The following LDB1 variants were observed in gnomAD, a reference collection of about 807,000 sequenced individuals.
LDB1 encodes the protein LIM domain binding 1.
LDB1 carries 6 observed loss-of-function variants against 49.7 expected under a neutral mutation model. The ratio of observed to expected loss-of-function variants is 0.12; its 90% CI spans 0.07 to 0.24. The LOEUF is 0.24. Ranked by LOEUF, LDB1 falls within the 10% of genes least tolerant of loss-of-function variation. The probability of loss-of-function intolerance (pLI) is 1.00; values close to 1 mark genes in which losing one functional copy is unlikely to be tolerated. For missense variants in LDB1, 341 were observed against 561.7 expected (o/e 0.61, Z 3.97); for synonymous variants, 233 against 202.0 (o/e 1.15, Z -1.30).
At chr10:102,121,329 G>T (rs2068418786), upstream of LDB1, among the ~76,000 whole-genome samples, 1 of 152,142 alleles carries the variant, frequency 6.6e-6, no homozygotes, top group East Asian at 1.9e-4. Context: ...CTGCCTGGAA[G>T]CTGCTGTCCT....
chr10:102,114,812 G>GGGGGGCCCCCCCCCCCCCCCC, intron 1 of LDB1: 108 of 929,764 alleles, frequency 1.2e-4, no homozygotes, highest in South Asian at 2.0e-4. Flanking sequence ...CCTCCGAGCA[G>GGGGGGCCCCCCCCCCCCCCCC]CCCGCCCGCC....
intron 6 of LDB1, 150 bp from the exon 7 acceptor site, chr10:102,110,193 C>G: frequency 1.2e-6 from 1 of 847,210 alleles, no homozygotes; most frequent in Non-Finnish European, 1.8e-6. Context: ...TGTCACAGTA[C>G]CCCCCACCCA....
intron 1 of LDB1, 85 bp from the exon 2 acceptor site, chr10:102,111,621 T>G: frequency 1.3e-6 from 1 of 744,662 alleles, no homozygotes; most frequent in Non-Finnish European, 2.2e-6. Context: ...GCAAGAAGAT[T>G]GATTGAGCAC....
chr10:102,104,616 G>GT (rs976633079), downstream of LDB1, among the ~76,000 whole-genome samples: 1 of 152,124 alleles, frequency 6.6e-6, no homozygotes, highest in African/African-American at 2.4e-5. Context: ...TGGCCACTGT[G>GT]TTTCCTGAGT....
chr10:102,110,892 A>G lies in LDB1; in HGVS notation c.329T>C (p.Leu110Pro). The stretch of plus-strand genomic sequence containing the variant: ...ACTATATCTCTTTGGTCCATCCTCC[A>G]GGCAGAAAGTGATGGTCAACATGGC... Reference protein sequence around the residue: ...DDAMLTITFCLEDGPKRYTIG... With the variant: ...DDAMLTITFCPEDGPKRYTIG... Residue 110 changes from leucine to proline, a missense_variant, in exon 5 of 11, where the codon CTG becomes CCG. Transcript: ENST00000673968. The G allele has an allele frequency of 6.2e-7, 1 of 1,614,098 alleles. No individual in the cohort carries two copies. The highest frequency in any genetic ancestry group is 8.5e-7 in the Non-Finnish European group (1 of 1,179,974).
chr10:102,114,640 CG>C, intron 1 of LDB1: 1 of 948,934 alleles, frequency 1.1e-6, no homozygotes, highest in Non-Finnish European at 1.3e-6. Context: ...GCCACTGGGC[CG>C]GGGGCCGGGG....
intron 6 of LDB1, 149 bp from the exon 7 acceptor site, chr10:102,110,192 AC>A (rs1469487229): frequency 5.9e-6 from 5 of 846,738 alleles, no homozygotes; most frequent in East Asian, 2.7e-5. Context: ...ATGTCACAGT[AC>A]CCCCCACCCA....
chr10:102,111,596 C>G, intron 1 of LDB1, 60 bp from the exon 2 acceptor site: 1 of 977,996 alleles, frequency 1.0e-6, no homozygotes, highest in Non-Finnish European at 1.5e-6. Context: ...TAATCTAGCA[C>G]TTTGGGAGTC....
chr10:102,114,342 G>A (rs937965991), intron 1 of LDB1: 7 of 986,208 alleles, frequency 7.1e-6, no homozygotes, highest in African/African-American at 7.0e-5. Flanking sequence ...CCGCAGATCA[G>A]GCCCGGGCCG....
chr10:102,113,982 C>A (rs571136872), intron 1 of LDB1, among the ~76,000 whole-genome samples: 1 of 152,204 alleles, frequency 6.6e-6, no homozygotes, highest in African/African-American at 2.4e-5. Context: ...AGGGGAGGGA[C>A]ATCACCCAGA....
At chr10:102,102,175 T>C (rs1462904285), downstream of LDB1, among the ~76,000 whole-genome samples, 2 of 152,236 alleles carry the variant, frequency 1.3e-5, no homozygotes, top group Non-Finnish European at 2.9e-5. Context: ...TTCACCTGCC[T>C]TGGCTTCCCA....
At position 102,111,307 on chromosome 10, in the gene LDB1, A is replaced by T; in HGVS notation, c.129-7T>A. 6.2e-7 allele frequency: 1 copy of T among 1,613,966 alleles called. No individual in the cohort carries two copies. Among genetic ancestry groups the T allele is most frequent in the East Asian group, 2.2e-5 (1 of 44,884 alleles). On this transcript the variant is annotated splice_region_variant and splice_polypyrimidine_tract_variant and intron_variant, in intron 2 of 10. Coordinates refer to ENST00000673968, the MANE Select transcript of LDB1 (RefSeq NM_001113407.3). The stretch of plus-strand genomic sequence containing the variant: ...CGGATACATGGGAGTTGGGCTGTGT[A>T]AAGGAAGAGGCTATGAGAATGGGGG...
rs1241232598 is a variant in LDB1 at position 102,120,182 on chromosome 10, G to A, written c.-72C>T. 1 of 1,152,672 alleles carries A rather than the reference G, an allele frequency of 8.7e-7. No homozygotes were observed. The highest frequency in any genetic ancestry group is 1.1e-6 in the Non-Finnish European group (1 of 935,476). The allele number at this position is 1,152,672 out of a possible 1,614,324, so 71.4% of individuals were successfully genotyped here. The stretch of plus-strand genomic sequence containing the variant: ...CCCCTCGCGGGGACAGGCCGGGCAT[G>A]AGCCGCCGCCGCCGCCCGCGGCCCC... On this transcript the variant is annotated 5_prime_UTR_variant, in exon 1 of 11. Coordinates refer to ENST00000673968, the MANE Select transcript of LDB1 (RefSeq NM_001113407.3).
downstream of LDB1, among the ~76,000 whole-genome samples, chr10:102,102,699 G>A (rs1436542949): frequency 6.6e-6 from 1 of 152,210 alleles, no homozygotes; most frequent in South Asian, 2.1e-4. Flanking sequence ...ACCTTAGGGT[G>A]GGGGTTAGGA....
Position 102,108,050 on chromosome 10 carries a change from T to C in LDB1, c.*43A>G. 7.0e-7 allele frequency: 1 copy of C among 1,433,158 alleles called. No individual in the cohort carries two copies. The highest frequency in any genetic ancestry group is 9.8e-7 in the Non-Finnish European group (1 of 1,018,988). 88.8% of individuals were successfully genotyped at this position (1,433,158 alleles called of 1,614,324 possible). Reference sequence around the variant, plus strand: ...TTCTGCTCCCTGGGGCTGTGAGGGGTGGGGCAGGTAGGCAGAGCACTGGGT... The same window carrying C: ...TTCTGCTCCCTGGGGCTGTGAGGGGCGGGGCAGGTAGGCAGAGCACTGGGT... On this transcript the variant is annotated 3_prime_UTR_variant, in exon 11 of 11. Transcript: ENST00000673968.
chr10:102,119,704 G>T (rs184478442), intron 1 of LDB1, among the ~76,000 whole-genome samples: 1 of 147,868 alleles, frequency 6.8e-6, no homozygotes, highest in Non-Finnish European at 1.5e-5. Context: ...CAGGGAAGGG[G>T]GGGCAGCCCA....
chr10:102,113,380 C>T (rs943237055), intron 1 of LDB1, among the ~76,000 whole-genome samples: 20 of 152,148 alleles, frequency 1.3e-4, no homozygotes, highest in Non-Finnish European at 2.2e-4. Context: ...CGCAACAGGC[C>T]CTCACCCCAT....
chr10:102,109,125 C>T lies in LDB1; in HGVS notation c.909G>A (p.Gly303=). Residue 303 remains glycine (G), a synonymous_variant, in exon 10 of 11, where the codon GGG becomes GGA. Coordinates refer to ENST00000673968, the MANE Select transcript of LDB1 (RefSeq NM_001113407.3). This position sits in a 1 kb window ranked among gnomAD's most constrained non-coding sequence, Gnocchi z 5.8. ...PSKRRKRKMS[G]GSTMSSGGGN... is the part of the protein sequence containing the mutation. ...CACCACCAGAGCTCATGGTGCTGCC[C>T]CCTGACATCTTCCGTTTCCGCCGTT... The T allele has an allele frequency of 1.2e-6, 2 of 1,614,130 alleles. No individual in the cohort carries two copies. Among genetic ancestry groups the T allele is most frequent in the Non-Finnish European group, 1.7e-6 (2 of 1,180,020 alleles).
intron 1 of LDB1, among the ~76,000 whole-genome samples, chr10:102,111,786 C>T (rs113322228): frequency 0.015 from 2,254 of 152,194 alleles, 32 homozygotes; most frequent in Admixed American, 0.05. Flanking sequence ...GGGAGGTCAA[C>T]ACTGAAGTGA....
Sources: allele counts gnomAD v4.1 joint callset (sites outside exome capture counted in the v4.1 genomes callset), GRCh38; gene constraint gnomAD v4.1.1; non-coding constraint Gnocchi (gnomAD v3.1); transcripts MANE v1.5; gene names NCBI Gene and HGNC (gene_info 2026-07-23, HGNC 2026-07-21).